LPCAT3: variants seen among roughly 807,000 people sequenced by gnomAD.
The protein encoded by LPCAT3 is lysophosphatidylcholine acyltransferase 3, also known as lysophospholipid acyltransferase 5.
Under a neutral mutation model 63.4 loss-of-function variants are expected in LPCAT3, and 21 were observed. The ratio of observed to expected loss-of-function variants is 0.33; its 90% confidence interval spans 0.23 to 0.48. LPCAT3 has a LOEUF of 0.48. LPCAT3 is among the 20% of genes least tolerant of loss of function. LPCAT3 has a pLI of 0.99. For synonymous variants in LPCAT3, 242 were observed against 227.5 expected (o/e 1.06, Z -0.58); for missense variants, 451 against 590.6 (o/e 0.76, Z 2.45).
chr12:7,018,375 C>T lies in LPCAT3; in HGVS notation c.50G>A (p.Gly17Glu), dbSNP rs201537522. The T allele has an allele frequency of 6.2e-6, 10 of 1,612,468 alleles. No individual in the cohort carries two copies. The highest frequency in any genetic ancestry group is 8.5e-6 in the Non-Finnish European group (10 of 1,179,344). Residue 17 changes from glycine to glutamate, a missense_variant, in exon 1 of 13, where the codon GGG becomes GAG. Physicochemically the swap from Gly to Glu is moderately conservative, Grantham distance 98. Around this residue, in one of 3 missense-constraint regions of LPCAT3, gnomAD observed 133 missense variants for 152.1 expected, o/e 0.87. Coordinates refer to ENST00000261407, the MANE Select transcript of LPCAT3 (RefSeq NM_005768.6). The surrounding 1 kb of genome is among the most constrained non-coding windows in gnomAD (Gnocchi z 4.9). ...GDEGTVVALA[G>E]VLQSGFQELS... ...CTCCTGGAAACCCGACTGCAGAACC[C>T]CCGCCAGCGCCACCACAGTCCCCTC...
Position 6,977,920 on chromosome 12 carries a change from ACCCAAGG to A in LPCAT3, c.1041-182_1041-176del. 1 of 719,478 alleles carries A rather than the reference ACCCAAGG, an allele frequency of 1.4e-6. No individual in the cohort carries two copies. Among genetic ancestry groups the A allele is most frequent in the Non-Finnish European group, 2.3e-6 (1 of 442,192 alleles). 44.6% of individuals were successfully genotyped at this position (719,478 alleles called of 1,614,324 possible). ...GATTACTTTTAGAGATGGAAAGCAG[ACCCAAGG>A]CGGAGCTGGAGACCGTGTGCGCACG... is the stretch of plus-strand genomic sequence containing the variant. On this transcript the variant is annotated intron_variant, in intron 9 of 12. Transcript: ENST00000261407. This position sits in a 1 kb window ranked among gnomAD's most constrained non-coding sequence, Gnocchi z 4.5.
At chr12:6,996,532 T>C (rs987833200) in intron 1 of LPCAT3, among the ~76,000 whole-genome samples, 5 of 152,228 alleles carry the variant, frequency 3.3e-5, no homozygotes, top group Non-Finnish European at 7.3e-5. Flanking sequence ...CCCCAGTGCA[T>C]AGTACAGTTC....
At position 6,978,355 on chromosome 12, in the gene LPCAT3, G is replaced by C. The variant is rs376712653; in HGVS notation, c.1026C>G (p.Asn342Lys). ...GTIASFNINT[N>K]AWVARYIFKR... ...CAGCAGCTCACCGGGCCACCCAGGC[G>C]TTGGTGTTGATGTTGAATGAGGCAA... The change falls in exon 9 of 13, where the codon AAC (asparagine) becomes AAG (lysine). Residue 342 changes from asparagine to lysine, a missense_variant. This residue lies in a region of LPCAT3 where 304 missense variants were observed against 390.8 expected (regional missense o/e 0.78). Transcript: ENST00000261407. 6.2e-7 allele frequency: 1 copy of C among 1,610,972 alleles called. No individual in the cohort carries two copies. The highest frequency in any genetic ancestry group is 1.3e-5 in the African/African-American group (1 of 74,766).
At position 7,018,449 on chromosome 12, in the gene LPCAT3, AC is replaced by A. The variant is rs782673349; in HGVS notation, c.-26del. The A allele has an allele frequency of 1.7e-5, 26 of 1,571,334 alleles. No individual in the cohort carries two copies. The highest frequency in any genetic ancestry group is 1.7e-4 in the Middle Eastern group (1 of 5,748). On this transcript the variant is annotated 5_prime_UTR_variant, in exon 1 of 13. Coordinates refer to ENST00000261407, the MANE Select transcript of LPCAT3 (RefSeq NM_005768.6). This position sits in a 1 kb window ranked among gnomAD's most constrained non-coding sequence, Gnocchi z 4.9. ...TCTTAACTCCGGGAGCCCCACAGGG[AC>A]CCCCCAGCTCCGCGCGCCCCGAATG...
At chr12:6,982,566 G>A (rs1343673841) in intron 3 of LPCAT3, 110 bp downstream of exon 3, 2 of 753,850 alleles carry the variant, frequency 2.7e-6, no homozygotes, top group East Asian at 5.4e-5. Context: ...AGTGCTGGGA[G>A]AGGGGTTAGA....
intron 1 of LPCAT3, among the ~76,000 whole-genome samples, chr12:7,008,432 G>A (rs782140403): frequency 6.6e-6 from 1 of 152,040 alleles, no homozygotes; most frequent in Non-Finnish European, 1.5e-5. Context: ...AGCTTTCCCT[G>A]GCAGCTGCAA....
At chr12:6,989,211 A>G (rs1555155170) in intron 1 of LPCAT3, among the ~76,000 whole-genome samples, 1 of 151,940 alleles carries the variant, frequency 6.6e-6, no homozygotes, top group Non-Finnish European at 1.5e-5. Flanking sequence ...GAAATTTATT[A>G]GCAGGCGAAG....
chr12:6,990,910 C>A (rs1946583291), intron 1 of LPCAT3, among the ~76,000 whole-genome samples: 1 of 104,526 alleles, frequency 9.6e-6, no homozygotes, highest in South Asian at 2.6e-4. Flanking sequence ...GAGCGAGACT[C>A]CAAATCAAAA....
intron 1 of LPCAT3, among the ~76,000 whole-genome samples, chr12:6,990,748 C>T (rs1277347824): frequency 6.7e-6 from 1 of 149,710 alleles, no homozygotes; most frequent in Non-Finnish European, 1.5e-5. Flanking sequence ...CATGGTGAAA[C>T]CCTACTAAAA....
At chr12:7,005,681 A>T (rs1202091322) in intron 1 of LPCAT3, among the ~76,000 whole-genome samples, 2 of 152,218 alleles carry the variant, frequency 1.3e-5, no homozygotes, top group Non-Finnish European at 2.9e-5. Context: ...TTCCCTAATG[A>T]CTAAAGATAT....
At chr12:6,989,110 G>A (rs1406109049) in intron 1 of LPCAT3, among the ~76,000 whole-genome samples, 2 of 149,374 alleles carry the variant, frequency 1.3e-5, no homozygotes, top group Non-Finnish European at 1.5e-5. Flanking sequence ...CAACAAGAGC[G>A]AAACTCCATC....
chr12:7,001,991 G>A (rs1161643674), intron 1 of LPCAT3, among the ~76,000 whole-genome samples: 2 of 152,118 alleles, frequency 1.3e-5, no homozygotes, highest in Non-Finnish European at 2.9e-5. Flanking sequence ...CTAGAGCTAC[G>A]TATTTTAGAT....
intron 1 of LPCAT3, among the ~76,000 whole-genome samples, chr12:6,984,660 C>G (rs1274245977): frequency 6.6e-6 from 1 of 152,216 alleles, no homozygotes; most frequent in Admixed American, 6.5e-5. Context: ...GATCATCGCT[C>G]ACTGCAGCCT....
chr12:6,992,265 T>C (rs1261090716), intron 1 of LPCAT3, among the ~76,000 whole-genome samples: 2 of 151,746 alleles, frequency 1.3e-5, no homozygotes, highest in East Asian at 3.9e-4. Context: ...CCCAGGAAGT[T>C]GAGGCGGCAG....
chr12:6,988,828 G>A lies in LPCAT3; in HGVS notation c.152-5289C>T, dbSNP rs782321568. Among the ~76,000 whole-genome samples the A allele has an allele frequency of 2.8e-3, 419 of 152,262 alleles. 3 individuals are homozygous for A. The highest frequency in any genetic ancestry group is 9.1e-3 in the African/African-American group (378 of 41,558). On this transcript the variant is annotated intron_variant, in intron 1 of 12. Coordinates refer to ENST00000261407, the MANE Select transcript of LPCAT3 (RefSeq NM_005768.6). Reference sequence around the variant, plus strand: ...CAGATGGGTTTGTAACAACCCAGAGGTTTGTAAGAACTTGTTGGCCGGGCG... The same window carrying A: ...CAGATGGGTTTGTAACAACCCAGAGATTTGTAAGAACTTGTTGGCCGGGCG...
chr12:6,989,091 C>T (rs1310660639), intron 1 of LPCAT3, among the ~76,000 whole-genome samples: 1 of 151,774 alleles, frequency 6.6e-6, no homozygotes, highest in Non-Finnish European at 1.5e-5. Context: ...CCATTGCACT[C>T]CAGCCTGGCA....
At position 6,977,404 on chromosome 12, in the gene LPCAT3, G is replaced by A; in HGVS notation, c.1310C>T (p.Thr437Ile). The change falls in exon 11 of 13, where the codon ACT becomes ATT. Residue 437 changes from threonine to isoleucine, a missense_variant. Transcript: ENST00000261407. This position sits in a 1 kb window ranked among gnomAD's most constrained non-coding sequence, Gnocchi z 4.5. Reference sequence around the variant, plus strand: ...GTCCCACGTGAAGAGGCAGAAGGCAGTCATGGAGTAACCCATGAAGAGCCA... The same window carrying A: ...GTCCCACGTGAAGAGGCAGAAGGCAATCATGGAGTAACCCATGAAGAGCCA... ...IHWLFMGYSM[T>I]AFCLFTWDKW... 1 of 1,614,222 alleles carries A rather than the reference G, an allele frequency of 6.2e-7. No homozygotes were observed. Among genetic ancestry groups the A allele is most frequent in the Non-Finnish European group, 8.5e-7 (1 of 1,180,040 alleles).
intron 1 of LPCAT3, among the ~76,000 whole-genome samples, chr12:7,006,921 A>G (rs1946728653): frequency 6.6e-6 from 1 of 152,230 alleles, no homozygotes; most frequent in South Asian, 2.1e-4. Flanking sequence ...TACCACATCT[A>G]CATGGATGCC....
chr12:6,995,390 C>CTTGAACCCAGGAGGCGGAGGTTG (rs1946627961), intron 1 of LPCAT3, among the ~76,000 whole-genome samples: 1 of 151,730 alleles, frequency 6.6e-6, no homozygotes, highest in East Asian at 1.9e-4. Flanking sequence ...AGGAGAATCG[C>CTTGAACCCAGGAGGCGGAGGTTG]TTGAACCCAG....
Sources: gnomAD v4.1 joint callset for allele counts (sites outside exome capture counted in the v4.1 genomes callset) on GRCh38, gnomAD v4.1.1 for gene constraint, gnomAD v4.1.1 regional missense constraint, Gnocchi (gnomAD v3.1) non-coding constraint, MANE v1.5 for transcripts, NCBI Gene and HGNC (gene_info 2026-07-23, HGNC 2026-07-21) for gene names.